BRWD3: variants seen among roughly 807,000 people sequenced by gnomAD.
BRWD3 encodes bromodomain and WD repeat domain containing 3, also known as bromodomain and WD repeat-containing protein 3.
A neutral mutation model predicts 149.7 loss-of-function variants in BRWD3; 10 were observed. The observed-to-expected ratio is 0.07, with a 90% CI of 0.04 to 0.11. The LOEUF (loss-of-function observed/expected upper bound fraction) is 0.11. BRWD3 is among the 10% of genes least tolerant of loss of function. The pLI is 1.00. For synonymous variants in BRWD3, 504 were observed against 456.7 expected (o/e 1.10, Z -1.32); for missense variants, 940 against 1,373.2 (o/e 0.68, Z 4.99).
intron 20 of BRWD3, chrX:80,710,571 G>T: frequency 2.2e-6 from 1 of 449,699 alleles, no homozygotes; most frequent in Non-Finnish European, 4.2e-6. Flanking sequence ...TAATAATTTG[G>T]AGTTTACAAT....
At chrX:80,781,886 A>T (rs968996786) in intron 6 of BRWD3, among the ~76,000 whole-genome samples, 1 of 112,076 alleles carries the variant, frequency 8.9e-6, no homozygotes, top group Non-Finnish European at 1.9e-5. Context: ...GATATTCCAT[A>T]TTCATGAATT....
intron 4 of BRWD3, among the ~76,000 whole-genome samples, chrX:80,796,430 A>C (rs1298212000): frequency 9.0e-6 from 1 of 111,641 alleles, no homozygotes; most frequent in Non-Finnish European, 1.9e-5. Flanking sequence ...TGCCCAACCT[A>C]ATCAATGTTA....
chrX:80,740,958 A>G (rs185459191), intron 8 of BRWD3, among the ~76,000 whole-genome samples: 278 of 111,078 alleles, frequency 2.5e-3, no homozygotes, highest in Non-Finnish European at 3.5e-3. Flanking sequence ...TGTGCACAAC[A>G]TGCAGGTTTG....
rs1282860195 is a variant in BRWD3, at chrX:80,707,191, A to T, written c.2552+236T>A. On this transcript the variant is annotated intron_variant, in intron 22 of 40. Transcript: ENST00000373275. ...AGGGTGAATATAATTGCCAAGATGT[A>T]GAATCTTGGATTTAAAAAGAATCTT... Among the ~76,000 whole-genome samples the T allele has an allele frequency of 4.4e-5, 5 of 112,570 alleles. No individual in the cohort carries two copies. In the South Asian group the frequency reaches 1.8e-3, roughly 41 times the overall value.
chrX:80,751,616 C>A (rs970753214), intron 6 of BRWD3, among the ~76,000 whole-genome samples: 3 of 111,785 alleles, frequency 2.7e-5, no homozygotes, highest in Non-Finnish European at 3.8e-5. Context: ...TTGTTACATG[C>A]AAAGATTGCA....
Position 80,676,575 on chromosome X carries a change from T to C in BRWD3, c.*34A>G. 8.3e-7 allele frequency: 1 copy of C among 1,203,268 alleles called. No homozygotes were observed. The highest frequency in any genetic ancestry group is 1.1e-6 in the Non-Finnish European group (1 of 889,537). The stretch of plus-strand genomic sequence containing the variant: ...TAAATTCCCTGCAGTAGAAGGCCAT[T>C]GAATTTTTTAAGTTATTCTAAATTT... On this transcript the variant is annotated 3_prime_UTR_variant, in exon 41 of 41. Transcript: ENST00000373275.
chrX:80,772,767 C>T (rs1220892899), intron 6 of BRWD3, among the ~76,000 whole-genome samples: 2 of 111,463 alleles, frequency 1.8e-5, no homozygotes, highest in African/African-American at 6.5e-5. Flanking sequence ...TGAAAGTTTG[C>T]GTTCACAAAT....
At position 80,776,700 on chromosome X, in the gene BRWD3, C is replaced by T. The variant is rs374235616; in HGVS notation, c.430+15154G>A. ...GTAAAATATCATGAAGACTCCCTCT[C>T]GAGTGATTACTGCTTTCTTACCAAC... On this transcript the variant is annotated intron_variant, in intron 6 of 40. Transcript: ENST00000373275. Among the ~76,000 whole-genome samples the T allele has an allele frequency of 4.5e-5, 5 of 111,646 alleles. No individual in the cohort carries two copies. In the East Asian group the frequency reaches 1.4e-3, roughly 32 times the overall value.
chrX:80,690,160 T>C, intron 31 of BRWD3, 68 bp from the exon 32 acceptor site: 1 of 1,081,521 alleles, frequency 9.2e-7, no homozygotes, highest in South Asian at 1.9e-5. Flanking sequence ...GAATATACAA[T>C]ATGGAACAAA....
intron 33 of BRWD3, 77 bp downstream of exon 33, chrX:80,689,691 A>T: frequency 2.2e-6 from 2 of 920,092 alleles, no homozygotes; most frequent in Non-Finnish European, 1.5e-6. Flanking sequence ...ATGGCCAATT[A>T]CAACATTTAC....
intron 16 of BRWD3, 94 bp from the exon 17 acceptor site, chrX:80,722,881 G>C: frequency 1.2e-6 from 1 of 814,870 alleles, no homozygotes; most frequent in South Asian, 2.2e-5. Flanking sequence ...TTTTAAATCA[G>C]AGAATCTTTT....
chrX:80,716,668 G>C (rs2073077745), intron 19 of BRWD3, among the ~76,000 whole-genome samples: 1 of 112,088 alleles, frequency 8.9e-6, no homozygotes, highest in East Asian at 2.8e-4. Flanking sequence ...TTCTGTAGCT[G>C]AATGATATGC....
chrX:80,706,070 A>C (rs773085572), intron 22 of BRWD3, among the ~76,000 whole-genome samples: 27 of 111,972 alleles, frequency 2.4e-4, no homozygotes, highest in Non-Finnish European at 3.8e-4. Context: ...CTTTTTTGTA[A>C]TAACACTTAG....
rs199879142 is a variant in BRWD3, at chrX:80,751,981, C to CATTATTATT, written c.431-6261_431-6253dup. On this transcript the variant is annotated intron_variant, in intron 6 of 40. Coordinates refer to ENST00000373275, the MANE Select transcript of BRWD3 (RefSeq NM_153252.5). ...TTATTTTTTCAATTTATTCATATTT[C>CATTATTATT]ATTATTATTATTATTATTATTATTA... is the stretch of plus-strand genomic sequence containing the variant. Among the ~76,000 whole-genome samples the CATTATTATT allele has an allele frequency of 2.7e-3, 233 of 87,737 alleles. 1 individual carries two copies. Among genetic ancestry groups the CATTATTATT allele is most frequent in the African/African-American group, 8.6e-3 (207 of 23,958 alleles). 76.2% of individuals were successfully genotyped at this position (87,737 alleles called of 115,157 possible).
chrX:80,747,425 T>C (rs1261460969), intron 6 of BRWD3, among the ~76,000 whole-genome samples: 1 of 109,260 alleles, frequency 9.2e-6, no homozygotes, highest in African/African-American at 3.3e-5. Context: ...TCTCTAGATG[T>C]TGTCTAGGGT....
At position 80,733,451 on chromosome X, in the gene BRWD3, A is replaced by G; in HGVS notation, c.1127+5T>C. ...TGTTTACACAAATATGTATTACATA[A>G]TTACCTGTCTCCATTGTTACAGAAC... On this transcript the variant is annotated splice_donor_5th_base_variant and intron_variant, in intron 12 of 40. Transcript: ENST00000373275. The G allele has an allele frequency of 8.4e-7, 1 of 1,186,265 alleles. No homozygotes were observed. The highest frequency in any genetic ancestry group is 1.1e-6 in the Non-Finnish European group (1 of 873,907).
intron 6 of BRWD3, among the ~76,000 whole-genome samples, chrX:80,768,094 C>A (rs949362719): frequency 2.2e-4 from 25 of 111,747 alleles, no homozygotes; most frequent in African/African-American, 7.5e-4. Context: ...AAGACCAAAT[C>A]TACGTCTGAT....
intron 6 of BRWD3, among the ~76,000 whole-genome samples, chrX:80,754,404 TGGA>T (rs2073711354): frequency 8.9e-6 from 1 of 112,144 alleles, no homozygotes; most frequent in Admixed American, 9.5e-5. Context: ...AGGAGTCCTT[TGGA>T]GGAGTCTTTA....
intron 20 of BRWD3, among the ~76,000 whole-genome samples, chrX:80,712,583 G>A (rs1180224335): frequency 9.1e-6 from 1 of 110,377 alleles, no homozygotes; most frequent in African/African-American, 3.4e-5. Flanking sequence ...TGTCTGGGAA[G>A]TGAGGAGCGT....
Sources: gnomAD v4.1 joint callset for allele counts (sites outside exome capture counted in the v4.1 genomes callset) on GRCh38, gnomAD v4.1.1 for gene constraint, MANE v1.5 for transcripts, NCBI Gene and HGNC (gene_info 2026-07-23, HGNC 2026-07-21) for gene names.